Variants in PRKN observed in about 807,000 individuals in gnomAD.
PRKN encodes the protein E3 ubiquitin-protein ligase parkin.
PRKN carries 56 observed loss-of-function variants against 59.5 expected under a neutral mutation model. The ratio of observed to expected loss-of-function variants is 0.94; its 90% CI spans 0.76 to 1.18. The LOEUF is 1.18. PRKN is among the 50% of genes most tolerant of loss of function. The probability of loss-of-function intolerance (pLI) is 0.00; values close to 1 mark genes in which losing one functional copy is unlikely to be tolerated. For synonymous variants in PRKN, 250 were observed against 222.1 expected, an observed-to-expected ratio of 1.13 and a Z score of -1.12; for missense variants, 657 against 596.4, an observed-to-expected ratio of 1.10 and a Z score of -1.06.
rs12215648 is a variant in PRKN, at chr6:162,653,334, T to G, written c.7+74328A>C. Among the ~76,000 whole-genome samples the G allele has an allele frequency of 7.8e-5, 11 of 140,678 alleles. No homozygotes were observed. In the East Asian group the frequency reaches 2.3e-3, roughly 30 times the overall value. 92.3% of individuals were successfully genotyped at this position (140,678 alleles called of 152,430 possible). A position where few individuals can be genotyped will look rare whatever the true frequency, so the allele number is the denominator to read the frequency against. ...AGTTTGTGTTTGTGTGTGTGTGTGT[T>G]TGTGTGCGTGTCTGTGTGTGTGTCT... On this transcript the variant is annotated intron_variant, in intron 1 of 11. Coordinates refer to ENST00000366898, the MANE Select transcript of PRKN (RefSeq NM_004562.3).
intron 1 of PRKN, among the ~76,000 whole-genome samples, chr6:162,671,447 C>T (rs1251894230): frequency 6.7e-6 from 1 of 149,958 alleles, no homozygotes; most frequent in East Asian, 1.9e-4. Context: ...TGCAGTGAGC[C>T]GAGATTGCGC....
intron 2 of PRKN, among the ~76,000 whole-genome samples, chr6:162,429,783 G>A (rs1470687585): frequency 6.6e-6 from 1 of 152,184 alleles, no homozygotes; most frequent in African/African-American, 2.4e-5. Flanking sequence ...GGAACCAGGA[G>A]TGCTTGCTGT....
At chr6:162,513,808 C>G (rs1451660106) in intron 1 of PRKN, among the ~76,000 whole-genome samples, 2 of 152,084 alleles carry the variant, frequency 1.3e-5, no homozygotes, top group Non-Finnish European at 2.9e-5. Flanking sequence ...AATCCCAGCA[C>G]TTTGGGAGGC....
intron 2 of PRKN, among the ~76,000 whole-genome samples, chr6:162,397,625 C>A (rs754152443): frequency 1.3e-5 from 2 of 152,128 alleles, no homozygotes; most frequent in Admixed American, 6.5e-5. Context: ...GCTCTTCCAG[C>A]AGCGTTAAGG....
intron 4 of PRKN, among the ~76,000 whole-genome samples, chr6:162,116,265 A>T (rs1052859262): frequency 1.4e-4 from 22 of 152,204 alleles, no homozygotes; most frequent in African/African-American, 5.1e-4. Flanking sequence ...GTACAAGGTG[A>T]CTTATTTAAC....
At chr6:161,872,650 C>T (rs1258549197) in intron 6 of PRKN, among the ~76,000 whole-genome samples, 1 of 152,080 alleles carries the variant, frequency 6.6e-6, no homozygotes, top group African/African-American at 2.4e-5. Flanking sequence ...AAGCCATCTG[C>T]TGGGCTTAGC....
At chr6:162,017,225 G>T (rs576446376) in intron 5 of PRKN, among the ~76,000 whole-genome samples, 1 of 152,130 alleles carries the variant, frequency 6.6e-6, no homozygotes, top group South Asian at 2.1e-4. Context: ...TTAAGAGTCT[G>T]TACTTGGGAA....
At chr6:162,091,898 T>C (rs1223309905) in intron 4 of PRKN, among the ~76,000 whole-genome samples, 2 of 151,936 alleles carry the variant, frequency 1.3e-5, no homozygotes, top group East Asian at 3.9e-4. Context: ...TAGCCGGGCA[T>C]GGTGGCACAT....
chr6:161,631,613 A>G (rs1214728670), intron 7 of PRKN, among the ~76,000 whole-genome samples: 1 of 152,242 alleles, frequency 6.6e-6, no homozygotes, highest in Non-Finnish European at 1.5e-5. Context: ...GGATGACTTC[A>G]GGCTATGAGG....
At chr6:161,946,092 C>A (rs1008992090) in intron 6 of PRKN, among the ~76,000 whole-genome samples, 3 of 151,844 alleles carry the variant, frequency 2.0e-5, no homozygotes, top group African/African-American at 7.3e-5. Context: ...TGAGTAGAAA[C>A]CGTAGAATGA....
At chr6:161,431,126 G>A (rs565463965) in intron 9 of PRKN, among the ~76,000 whole-genome samples, 7 of 124,164 alleles carry the variant, frequency 5.6e-5, no homozygotes, top group South Asian at 3.0e-4. Context: ...GCAACAGAGC[G>A]AGACTCTGTC....
At chr6:162,533,343 G>C (rs1182525640) in intron 1 of PRKN, among the ~76,000 whole-genome samples, 1 of 152,128 alleles carries the variant, frequency 6.6e-6, no homozygotes, top group Non-Finnish European at 1.5e-5. Context: ...GGCTGACATA[G>C]TGAAACCCTG....
intron 7 of PRKN, among the ~76,000 whole-genome samples, chr6:161,717,989 G>A (rs1000596002): frequency 1.2e-4 from 18 of 152,202 alleles, no homozygotes; most frequent in Admixed American, 1.0e-3. Flanking sequence ...CAAAACAGAC[G>A]CATGGCAGAA....
intron 2 of PRKN, among the ~76,000 whole-genome samples, chr6:162,351,999 C>A (rs1784645539): frequency 6.6e-6 from 1 of 152,150 alleles, no homozygotes; most frequent in Non-Finnish European, 1.5e-5. Context: ...TTTTGAGCCA[C>A]CCCCTCCGGA....
At chr6:161,683,544 G>T (rs1785448704) in intron 7 of PRKN, among the ~76,000 whole-genome samples, 1 of 152,170 alleles carries the variant, frequency 6.6e-6, no homozygotes, top group African/African-American at 2.4e-5. Context: ...GGTGGCTCCA[G>T]CAGCTCTGAC....
intron 2 of PRKN, among the ~76,000 whole-genome samples, chr6:162,293,745 G>A (rs1018684125): frequency 6.6e-5 from 10 of 152,184 alleles, no homozygotes; most frequent in Admixed American, 5.9e-4. Context: ...GGGAAAGACT[G>A]GGGTTCCCCA....
chr6:161,985,077 C>T (rs1367886250), intron 5 of PRKN, among the ~76,000 whole-genome samples: 2 of 152,172 alleles, frequency 1.3e-5, no homozygotes, highest in East Asian at 1.9e-4. Context: ...TTCCAACAAA[C>T]GTTTGGAGAT....
intron 1 of PRKN, among the ~76,000 whole-genome samples, chr6:162,635,894 T>C (rs1462346678): frequency 1.3e-5 from 2 of 152,072 alleles, no homozygotes; most frequent in African/African-American, 4.8e-5. Context: ...TCAACCATAA[T>C]GGCACGAGGC....
At chr6:162,516,525 G>A (rs940491382) in intron 1 of PRKN, among the ~76,000 whole-genome samples, 2 of 152,172 alleles carry the variant, frequency 1.3e-5, no homozygotes, top group East Asian at 1.9e-4. Context: ...GCCGAGGTGG[G>A]CGGATCACTT....
Sources: allele counts gnomAD v4.1 joint callset (sites outside exome capture counted in the v4.1 genomes callset), GRCh38; gene constraint gnomAD v4.1.1; transcripts MANE v1.5; gene names NCBI Gene and HGNC (gene_info 2026-07-23, HGNC 2026-07-21).